The following SH3BP4 variants were observed in gnomAD, a reference collection of about 807,000 sequenced individuals.
SH3BP4 encodes SH3 domain-binding protein 4.
A neutral mutation model predicts 65.5 loss-of-function variants in SH3BP4; 33 were observed. The ratio of observed to expected loss-of-function variants is 0.50; its 90% CI spans 0.38 to 0.67. The LOEUF is 0.67. Among genes scored for constraint, SH3BP4 ranks in the 30% least tolerant of loss-of-function variants. SH3BP4 has a pLI of 0.00. For synonymous variants in SH3BP4, 552 were observed against 545.5 expected, an observed-to-expected ratio of 1.01 and a Z score of -0.17; for missense variants, 1,134 against 1,261.4, an observed-to-expected ratio of 0.90 and a Z score of 1.53.
At position 235,035,982 on chromosome 2, in the gene SH3BP4, T is replaced by C. The variant is rs1255127491; in HGVS notation, c.118+862T>C. Among the ~76,000 whole-genome samples, 1 of 152,218 alleles carries C rather than the reference T, an allele frequency of 6.6e-6. No individual in the cohort carries two copies. The highest frequency in any genetic ancestry group is 1.5e-5 in the Non-Finnish European group (1 of 68,036). Reference sequence around the variant, plus strand: ...TCTTGCCTGGAGCACAGCTGAAAAGTAGGAACTTGACTTTGACCATTTGTA... The same window carrying C: ...TCTTGCCTGGAGCACAGCTGAAAAGCAGGAACTTGACTTTGACCATTTGTA... On this transcript the variant is annotated intron_variant, in intron 3 of 5. Transcript: ENST00000392011. The surrounding 1 kb of genome is among the most constrained non-coding windows in gnomAD (Gnocchi z 5.0).
At chr2:235,019,596 C>T (rs1694791706) in intron 2 of SH3BP4, among the ~76,000 whole-genome samples, 1 of 151,938 alleles carries the variant, frequency 6.6e-6, no homozygotes, top group Non-Finnish European at 1.5e-5. Context: ...ACCACCACAC[C>T]TGGCTAATTT....
intron 4 of SH3BP4, among the ~76,000 whole-genome samples, chr2:235,048,964 T>C (rs1303300062): frequency 1.3e-5 from 2 of 152,250 alleles, no homozygotes. Context: ...TAGAGCCTCC[T>C]GCTGTGAAAT....
chr2:235,041,877 A>T lies in SH3BP4; in HGVS notation c.1108A>T (p.Arg370Trp), dbSNP rs1695662521. ...CCCCCCGCTGGAGCTCAACAGTGAC[A>T]GGTCCTGCAGCATCAGCCCTGTGCT... ...LDPPLELNSD[R>W]SCSISPVLEV... The change falls in exon 4 of 6, where the codon AGG (arginine) becomes TGG (tryptophan). Residue 370 changes from arginine (R) to tryptophan (W), a missense_variant. By Grantham distance (101) the Arg-to-Trp change is moderately radical (BLOSUM62 -3). Coordinates refer to ENST00000392011, the MANE Select transcript of SH3BP4 (RefSeq NM_014521.3). The surrounding 1 kb of genome is among the most constrained non-coding windows in gnomAD (Gnocchi z 6.0). 1 of 1,611,722 alleles carries T rather than the reference A, an allele frequency of 6.2e-7. No individual in the cohort carries two copies. Among genetic ancestry groups the T allele is most frequent in the Non-Finnish European group, 8.5e-7 (1 of 1,178,648 alleles).
In SH3BP4 at chr2:235,035,206, T is replaced by C. The variant is rs1358203410; in HGVS notation, c.118+86T>C. ...TCCAAGAACTTTTCTGCTTTAAAGA[T>C]TGCCAGTTTAGCATTCAGATAGTTA... On this transcript the variant is annotated intron_variant, in intron 3 of 5. Transcript: ENST00000392011. This position sits in a 1 kb window ranked among gnomAD's most constrained non-coding sequence, Gnocchi z 5.0. 1 of 966,566 alleles carries C rather than the reference T, an allele frequency of 1.0e-6. No homozygotes were observed. The highest frequency in any genetic ancestry group is 1.6e-5 in the African/African-American group (1 of 62,162). 59.9% of individuals were successfully genotyped at this position (966,566 alleles called of 1,614,324 possible). A position where few individuals can be genotyped will look rare whatever the true frequency, so the allele number is the denominator to read the frequency against.
rs1008559580 is a variant in SH3BP4, at chr2:234,968,374, G to A, written c.-207+16204G>A. ...AAGGAGTCTTTAACTCAACAGAGTTGTTCTTTTTTTTTTTTTTTTTTCAAG... is the reference window on the plus strand; with the variant it reads ...AAGGAGTCTTTAACTCAACAGAGTTATTCTTTTTTTTTTTTTTTTTTCAAG... On this transcript the variant is annotated intron_variant, in intron 1 of 5. Transcript: ENST00000392011. 3.7e-5 allele frequency among the ~76,000 whole-genome samples: 5 copies of A among 134,184 alleles called. No homozygotes were observed. The South Asian group carries it at 1.2e-3, about 33-fold the overall frequency. The allele number at this position is 134,184 out of a possible 152,430, so 88.0% of individuals were successfully genotyped here.
At position 234,977,947 on chromosome 2, in the gene SH3BP4, A is replaced by G. The variant is rs1167642781; in HGVS notation, c.-206-17356A>G. Reference sequence around the variant, plus strand: ...TGTCCCACTTGGATGGTCTGTTTCTATTTTATTTTATTTTTTACTTTTTTT... The same window carrying G: ...TGTCCCACTTGGATGGTCTGTTTCTGTTTTATTTTATTTTTTACTTTTTTT... On this transcript the variant is annotated intron_variant, in intron 1 of 5. Transcript: ENST00000392011. This position sits in a 1 kb window ranked among gnomAD's most constrained non-coding sequence, Gnocchi z 5.1. Among the ~76,000 whole-genome samples the G allele has an allele frequency of 2.6e-5, 4 of 151,832 alleles. No homozygotes were observed. Among genetic ancestry groups the G allele is most frequent in the Non-Finnish European group, 5.9e-5 (4 of 67,936 alleles).
intron 2 of SH3BP4, among the ~76,000 whole-genome samples, chr2:235,000,559 G>A (rs966203980): frequency 1.3e-5 from 2 of 152,136 alleles, no homozygotes; most frequent in African/African-American, 2.4e-5. Flanking sequence ...TCTTGGGCTC[G>A]GGCTCTGATG....
At chr2:235,015,645 C>T (rs911301468) in intron 2 of SH3BP4, among the ~76,000 whole-genome samples, 1 of 152,130 alleles carries the variant, frequency 6.6e-6, no homozygotes, top group Non-Finnish European at 1.5e-5. Context: ...CCAGCGTTTC[C>T]CAGGCGGGTA....
chr2:235,009,450 C>T (rs1326643845), intron 2 of SH3BP4, among the ~76,000 whole-genome samples: 1 of 152,156 alleles, frequency 6.6e-6, no homozygotes, highest in Non-Finnish European at 1.5e-5. Context: ...GCCTGGGACC[C>T]TGGAGGACGG....
chr2:235,046,405 C>G lies in SH3BP4; in HGVS notation c.2478+3158C>G, dbSNP rs1343830319. 1.3e-5 allele frequency among the ~76,000 whole-genome samples: 2 copies of G among 151,786 alleles called. No individual in the cohort carries two copies. Among genetic ancestry groups the G allele is most frequent in the Non-Finnish European group, 2.9e-5 (2 of 67,966 alleles). Reference sequence around the variant, plus strand: ...GCAACATAGTGAGGCTTCATCTCTCCAATTTTTTTTTTTTAAATCAGCCAG... The same window carrying G: ...GCAACATAGTGAGGCTTCATCTCTCGAATTTTTTTTTTTTAAATCAGCCAG... On this transcript the variant is annotated intron_variant, in intron 4 of 5. Coordinates refer to ENST00000392011, the MANE Select transcript of SH3BP4 (RefSeq NM_014521.3). The surrounding 1 kb of genome is among the most constrained non-coding windows in gnomAD (Gnocchi z 4.2).
At chr2:235,005,116 C>A (rs144374539) in intron 2 of SH3BP4, among the ~76,000 whole-genome samples, 13 of 152,320 alleles carry the variant, frequency 8.5e-5, no homozygotes, top group African/African-American at 3.1e-4. Context: ...TTGTGGAGAG[C>A]AGGATAGTCA....
chr2:235,020,885 A>C (rs2106309187), intron 2 of SH3BP4, among the ~76,000 whole-genome samples: 1 of 152,346 alleles, frequency 6.6e-6, no homozygotes, highest in African/African-American at 2.4e-5. Context: ...CAAGGCCCCA[A>C]GTCCATCAGC....
rs555440672 is a variant in SH3BP4 at position 234,967,426 on chromosome 2, A to T, written c.-207+15256A>T. Among the ~76,000 whole-genome samples the T allele has an allele frequency of 3.9e-4, 59 of 152,214 alleles. No homozygotes were observed. The highest frequency in any genetic ancestry group is 1.4e-3 in the African/African-American group (57 of 41,510). On this transcript the variant is annotated intron_variant, in intron 1 of 5. Transcript: ENST00000392011. The surrounding 1 kb of genome is among the most constrained non-coding windows in gnomAD (Gnocchi z 4.6). ...TGGAGGATGAGGGGAAGGCCCTAAC[A>T]CCAAGAGGGTGTGGAGCTGCGGTCT...
intron 1 of SH3BP4, among the ~76,000 whole-genome samples, chr2:234,992,989 T>C (rs1408858029): frequency 2.6e-5 from 4 of 151,584 alleles, no homozygotes; most frequent in African/African-American, 4.9e-5. Context: ...GTTCCTGCCA[T>C]GTGGGCTCTG....
At position 235,046,712 on chromosome 2, in the gene SH3BP4, A is replaced by C. The variant is rs1047508369; in HGVS notation, c.2478+3465A>C. On this transcript the variant is annotated intron_variant, in intron 4 of 5. Transcript: ENST00000392011. The surrounding 1 kb of genome is among the most constrained non-coding windows in gnomAD (Gnocchi z 4.2). ...GAATCACTGAGGTACTAGATGGATA[A>C]GTGATTGAATGAATGAATGATGGAT... 2.0e-5 allele frequency among the ~76,000 whole-genome samples: 3 copies of C among 147,054 alleles called. No individual in the cohort carries two copies. Among genetic ancestry groups the C allele is most frequent in the Non-Finnish European group, 4.5e-5 (3 of 66,450 alleles).
rs1182589441 is a variant in SH3BP4 at position 235,046,681 on chromosome 2, A to G, written c.2478+3434A>G. Among the ~76,000 whole-genome samples, 1 of 152,124 alleles carries G rather than the reference A, an allele frequency of 6.6e-6. No individual in the cohort carries two copies. Among genetic ancestry groups the G allele is most frequent in the South Asian group, 2.1e-4 (1 of 4,822 alleles). The stretch of plus-strand genomic sequence containing the variant: ...GTCCCATGAGAGGAAGGGCCCCGGC[A>G]CATAAGAATCACTGAGGTACTAGAT... On this transcript the variant is annotated intron_variant, in intron 4 of 5. Coordinates refer to ENST00000392011, the MANE Select transcript of SH3BP4 (RefSeq NM_014521.3). The surrounding 1 kb of genome is among the most constrained non-coding windows in gnomAD (Gnocchi z 4.2).
intron 2 of SH3BP4, among the ~76,000 whole-genome samples, chr2:235,002,098 C>T (rs1430577582): frequency 6.6e-6 from 1 of 152,064 alleles, no homozygotes; most frequent in East Asian, 1.9e-4. Context: ...TGACCTCAGG[C>T]GACCCGCCCG....
rs766163019 is a variant in SH3BP4 at position 235,041,971 on chromosome 2, T to TA, written c.1208dup (p.Asn403LysfsTer2). 35 of 1,613,198 alleles carry TA rather than the reference T, an allele frequency of 2.2e-5. No homozygotes were observed. The highest frequency in any genetic ancestry group is 2.9e-5 in the Non-Finnish European group (34 of 1,179,462). On this transcript the variant is annotated frameshift_variant, in exon 4 of 6. Coordinates refer to ENST00000392011, the MANE Select transcript of SH3BP4 (RefSeq NM_014521.3). LOFTEE classifies it high-confidence loss of function. This position sits in a 1 kb window ranked among gnomAD's most constrained non-coding sequence, Gnocchi z 6.0. ...TTGGAGATGAAAGTGTCAGCCGAGA[T>TA]AAAAAATGACCTTTTTAGCAAAAGC...
chr2:234,958,661 G>A (rs531735735), intron 1 of SH3BP4, among the ~76,000 whole-genome samples: 1 of 151,942 alleles, frequency 6.6e-6, no homozygotes, highest in South Asian at 2.1e-4. Context: ...AGTGCCCTGC[G>A]GGGCCCTGAA....
Sources: gnomAD v4.1 joint callset for allele counts (sites outside exome capture counted in the v4.1 genomes callset) on GRCh38, gnomAD v4.1.1 for gene constraint, Gnocchi (gnomAD v3.1) non-coding constraint, MANE v1.5 for transcripts, NCBI Gene and HGNC (gene_info 2026-07-23, HGNC 2026-07-21) for gene names.